The following SHISAL1 variants were observed in gnomAD, a reference collection of about 807,000 sequenced individuals.
SHISAL1 encodes the protein protein shisa-like-1.
In SHISAL1, 9 loss-of-function variants were observed where a neutral mutation model predicts 22.6. The observed-to-expected ratio is 0.40, with a 90% confidence interval of 0.24 to 0.70. The LOEUF (loss-of-function observed/expected upper bound fraction) is 0.70. SHISAL1 is among the 30% of genes least tolerant of loss of function. The probability of loss-of-function intolerance (pLI) is 0.39; values close to 1 mark genes in which losing one functional copy is unlikely to be tolerated. For synonymous variants in SHISAL1, 119 were observed against 115.4 expected (o/e 1.03, Z -0.20); for missense variants, 246 against 270.6 (o/e 0.91, Z 0.64).
At chr22:44,321,820 T>A in the SHISAL1 span, among the ~76,000 whole-genome samples, 1 of 151,560 alleles carries the variant, frequency 6.6e-6, no homozygotes, top group African/African-American at 2.4e-5. Flanking sequence ...GTGTCTCTCC[T>A]CCCCAAAGAG....
Position 44,310,743 on chromosome 22 carries a change from G to A in SHISAL1, c.-33+2008C>T, listed in dbSNP as rs111411499. The stretch of plus-strand genomic sequence containing the variant: ...AATTGTGTTTGAACTCCATGTCTAC[G>A]TCTGATTTCCCCAGTTCATCTTTCC... On this transcript the variant is annotated intron_variant, in intron 1 of 4. Coordinates refer to ENST00000381176, the MANE Select transcript of SHISAL1 (RefSeq NM_001099294.2). This position sits in a 1 kb window ranked among gnomAD's most constrained non-coding sequence, Gnocchi z 4.0. Among the ~76,000 whole-genome samples the A allele has an allele frequency of 2.0e-5, 3 of 152,022 alleles. No homozygotes were observed. Among genetic ancestry groups the A allele is most frequent in the African/African-American group, 7.2e-5 (3 of 41,382 alleles).
chr22:44,286,861 C>T (rs1601794029), intron 3 of SHISAL1, among the ~76,000 whole-genome samples: 2 of 152,364 alleles, frequency 1.3e-5, no homozygotes, highest in Admixed American at 6.5e-5. Context: ...AGCCACCGAT[C>T]TGTTAATCAC....
At chr22:44,288,013 G>A (rs568554716) in intron 3 of SHISAL1, among the ~76,000 whole-genome samples, 1 of 150,122 alleles carries the variant, frequency 6.7e-6, no homozygotes, top group East Asian at 1.9e-4. Context: ...AGCTGGGGGT[G>A]TGGCTGGGCC....
the SHISAL1 span, among the ~76,000 whole-genome samples, chr22:44,328,922 G>A: frequency 2.6e-5 from 4 of 152,284 alleles, no homozygotes; most frequent in South Asian, 8.3e-4. Flanking sequence ...CCGCCCTGCT[G>A]TGTCTGCATC....
intron 3 of SHISAL1, among the ~76,000 whole-genome samples, chr22:44,287,074 G>A (rs1158044195): frequency 6.6e-6 from 1 of 152,250 alleles, no homozygotes; most frequent in Non-Finnish European, 1.5e-5. Context: ...TTGAGGCTGG[G>A]GGGAAGGGGC....
At chr22:44,309,045 C>A (rs534194005) in intron 1 of SHISAL1, among the ~76,000 whole-genome samples, 1 of 152,186 alleles carries the variant, frequency 6.6e-6, no homozygotes, top group African/African-American at 2.4e-5. Context: ...CTTTCCCCAC[C>A]GTGTACGTCC....
intron 4 of SHISAL1, among the ~76,000 whole-genome samples, chr22:44,266,351 G>T (rs958250659): frequency 1.3e-5 from 2 of 151,806 alleles, no homozygotes; most frequent in Non-Finnish European, 2.9e-5. Context: ...AGATGGATGG[G>T]GATGGGGAGT....
chr22:44,329,463 A>ACG, the SHISAL1 span, among the ~76,000 whole-genome samples: 29 of 151,556 alleles, frequency 1.9e-4, no homozygotes, highest in African/African-American at 6.5e-4. Context: ...ACACACACAC[A>ACG]CGCGCGGCTC....
intron 4 of SHISAL1, among the ~76,000 whole-genome samples, chr22:44,267,781 G>A (rs1344096001): frequency 1.3e-5 from 2 of 152,114 alleles, no homozygotes; most frequent in Non-Finnish European, 2.9e-5. Context: ...TATTTCCAGT[G>A]CCCGGACCAC....
At chr22:44,297,810 A>T (rs1310508397) in intron 2 of SHISAL1, among the ~76,000 whole-genome samples, 1 of 152,266 alleles carries the variant, frequency 6.6e-6, no homozygotes, top group Non-Finnish European at 1.5e-5. Flanking sequence ...AATTTGTATC[A>T]CTGAAAAGGG....
chr22:44,285,365 A>G, intron 4 of SHISAL1, 63 bp downstream of exon 4: 1 of 1,528,884 alleles, frequency 6.5e-7, no homozygotes, highest in East Asian at 2.3e-5. Context: ...GTGATGGCGT[A>G]TTCTCCAAGC....
At chr22:44,330,468 C>A in the SHISAL1 span, among the ~76,000 whole-genome samples, 1 of 152,166 alleles carries the variant, frequency 6.6e-6, no homozygotes, top group Admixed American at 6.5e-5. Flanking sequence ...AAAGAGGCAT[C>A]CCCAGAGGTG....
intron 4 of SHISAL1, among the ~76,000 whole-genome samples, chr22:44,265,344 T>C (rs896682052): frequency 7.2e-5 from 11 of 152,126 alleles, no homozygotes; most frequent in Admixed American, 6.5e-5. Flanking sequence ...GAGCCCTCTT[T>C]TTGGGCAGTC....
At chr22:44,298,532 G>C (rs1178701687) in intron 2 of SHISAL1, among the ~76,000 whole-genome samples, 1 of 152,248 alleles carries the variant, frequency 6.6e-6, no homozygotes, top group Non-Finnish European at 1.5e-5. Flanking sequence ...TCACTGTCTG[G>C]GTCACTGCCC....
intron 1 of SHISAL1, among the ~76,000 whole-genome samples, chr22:44,312,276 G>A (rs1348346235): frequency 6.6e-6 from 1 of 152,156 alleles, no homozygotes; most frequent in Non-Finnish European, 1.5e-5. Flanking sequence ...TGCAGACTCT[G>A]AAGTGGGTCG....
At chr22:44,315,027 G>A (rs2055549251), upstream of SHISAL1, among the ~76,000 whole-genome samples, 1 of 152,162 alleles carries the variant, frequency 6.6e-6, no homozygotes, top group African/African-American at 2.4e-5. Context: ...GCATACAGCG[G>A]GACGTGGGGT....
Position 44,285,651 on chromosome 22 carries a change from C to A in SHISAL1, c.376G>T (p.Asp126Tyr). ...DLLYYSAMNY[D>Y]ICKVYLARWG... ...CGTGCCAGGTAGACCTTGCAGATGT[C>A]GTAGTTCATTGCCGAGTAATACAAA... The change falls in exon 4 of 5, where the codon GAC becomes TAC. Residue 126 changes from aspartate (D) to tyrosine (Y), a missense_variant. By Grantham distance (160) the Asp-to-Tyr change is radical. Coordinates refer to ENST00000381176, the MANE Select transcript of SHISAL1 (RefSeq NM_001099294.2). 1 of 1,614,192 alleles carries A rather than the reference C, an allele frequency of 6.2e-7. No homozygotes were observed. The highest frequency in any genetic ancestry group is 8.5e-7 in the Non-Finnish European group (1 of 1,180,016).
At chr22:44,281,224 C>T (rs2055274203) in intron 4 of SHISAL1, among the ~76,000 whole-genome samples, 1 of 152,188 alleles carries the variant, frequency 6.6e-6, no homozygotes, top group Non-Finnish European at 1.5e-5. Context: ...CCTGCTGCAT[C>T]CCTTACACGG....
intron 4 of SHISAL1, among the ~76,000 whole-genome samples, chr22:44,280,828 G>A (rs1470837290): frequency 2.0e-5 from 3 of 152,152 alleles, no homozygotes; most frequent in South Asian, 2.1e-4. Flanking sequence ...GGGGAGGCTC[G>A]GGGCAGGCAG....
Sources: gnomAD v4.1 joint callset for allele counts (sites outside exome capture counted in the v4.1 genomes callset) on GRCh38, gnomAD v4.1.1 for gene constraint, Gnocchi (gnomAD v3.1) non-coding constraint, MANE v1.5 for transcripts, NCBI Gene and HGNC (gene_info 2026-07-23, HGNC 2026-07-21) for gene names.